VSIG10: variants seen among roughly 807,000 people sequenced by gnomAD.
The protein encoded by VSIG10 is V-set and immunoglobulin domain containing 10.
Under a neutral mutation model 58.7 loss-of-function variants are expected in VSIG10, and 48 were observed. That is an observed-to-expected ratio of 0.82 (90% CI 0.65 to 1.04). VSIG10 has a LOEUF of 1.04. Ranked by LOEUF, VSIG10 falls within the 50% of genes least tolerant of loss-of-function variation. The probability of loss-of-function intolerance (pLI) is 0.00; values close to 1 mark genes in which losing one functional copy is unlikely to be tolerated. For missense variants in VSIG10, 628 were observed against 670.0 expected, an observed-to-expected ratio of 0.94 and a Z score of 0.69; for synonymous variants, 260 against 267.1, an observed-to-expected ratio of 0.97 and a Z score of 0.26.
At chr12:118,080,145 TTTC>T (rs1452095946) in intron 3 of VSIG10, among the ~76,000 whole-genome samples, 1 of 150,844 alleles carries the variant, frequency 6.6e-6, no homozygotes, top group African/African-American at 2.5e-5. Context: ...CGCTTTTGCA[TTTC>T]TTATTTATTT....
intron 1 of VSIG10, 22 bp downstream of exon 1, chr12:118,103,571 C>T: frequency 1.3e-6 from 2 of 1,513,426 alleles, no homozygotes; most frequent in Non-Finnish European, 1.8e-6. Flanking sequence ...TCAACTTTTC[C>T]CTCCAGATCG....
chr12:118,094,156 G>A (rs1162298926), intron 2 of VSIG10, among the ~76,000 whole-genome samples: 3 of 151,884 alleles, frequency 2.0e-5, no homozygotes, highest in African/African-American at 7.3e-5. Context: ...GGAGTGCAGT[G>A]GCTATTGATA....
chr12:118,086,179 T>G (rs886576485), intron 2 of VSIG10, among the ~76,000 whole-genome samples: 1 of 141,528 alleles, frequency 7.1e-6, no homozygotes. Flanking sequence ...AAGCACAAAG[T>G]CAGCTGGGCA....
At chr12:118,069,586 C>CCT (rs1566153818) in intron 7 of VSIG10, among the ~76,000 whole-genome samples, 2 of 151,930 alleles carry the variant, frequency 1.3e-5, no homozygotes, top group East Asian at 3.9e-4. Flanking sequence ...CCACTACATG[C>CCT]GGCTAATTTT....
chr12:118,096,481 A>G (rs147220161), intron 1 of VSIG10, among the ~76,000 whole-genome samples: 2 of 150,522 alleles, frequency 1.3e-5, no homozygotes, highest in Non-Finnish European at 3.0e-5. Context: ...GGGAGGCTGA[A>G]GCAGGAGAAT....
intron 2 of VSIG10, among the ~76,000 whole-genome samples, chr12:118,086,658 G>A (rs941110256): frequency 2.0e-5 from 3 of 152,148 alleles, no homozygotes; most frequent in African/African-American, 7.2e-5. Context: ...ATTGTGGGAG[G>A]CTGACACGGG....
At chr12:118,076,481 A>G (rs2032732018) in intron 4 of VSIG10, among the ~76,000 whole-genome samples, 1 of 151,936 alleles carries the variant, frequency 6.6e-6, no homozygotes, top group African/African-American at 2.4e-5. Flanking sequence ...TGGAGTTACA[A>G]TTCAACATGA....
chr12:118,101,418 C>T (rs1000676306), intron 1 of VSIG10, among the ~76,000 whole-genome samples: 9 of 152,120 alleles, frequency 5.9e-5, no homozygotes, highest in South Asian at 2.1e-4. Flanking sequence ...ACTCAGGTCA[C>T]GTTACTCTGG....
rs962059403 is a variant in VSIG10, at chr12:118,095,413, G to T, written c.361+120C>A. Reference sequence around the variant, plus strand: ...TGAGAGGTCCCTCAGCTTCCATGTGGCAGGGCCCAGAATGATTTCCAGGCC... The same window carrying T: ...TGAGAGGTCCCTCAGCTTCCATGTGTCAGGGCCCAGAATGATTTCCAGGCC... On this transcript the variant is annotated intron_variant, in intron 2 of 8. Coordinates refer to ENST00000359236, the MANE Select transcript of VSIG10 (RefSeq NM_019086.6). 10 of 1,282,532 alleles carry T rather than the reference G, an allele frequency of 7.8e-6. No homozygotes were observed. The Admixed American group carries it at 8.7e-5, about 11-fold the overall frequency. 79.4% of individuals were successfully genotyped at this position (1,282,532 alleles called of 1,614,324 possible).
chr12:118,086,962 T>C (rs1292627649), intron 2 of VSIG10, among the ~76,000 whole-genome samples: 1 of 151,754 alleles, frequency 6.6e-6, no homozygotes, highest in African/African-American at 2.4e-5. Flanking sequence ...GGGGTTTCAC[T>C]ATGTTGGCCA....
intron 3 of VSIG10, 130 bp from the exon 4 acceptor site, chr12:118,079,736 C>A: frequency 7.8e-7 from 1 of 1,280,830 alleles, no homozygotes; most frequent in Middle Eastern, 2.5e-4. Flanking sequence ...CATCTAATAG[C>A]TCCTAGCACA....
intron 1 of VSIG10, among the ~76,000 whole-genome samples, chr12:118,096,772 C>T (rs1488819893): frequency 6.6e-6 from 1 of 151,350 alleles, no homozygotes; most frequent in Non-Finnish European, 1.5e-5. Flanking sequence ...GGCGTAGCGG[C>T]TCATGCCTGT....
At chr12:118,090,258 T>C (rs531505172) in intron 2 of VSIG10, among the ~76,000 whole-genome samples, 1 of 152,164 alleles carries the variant, frequency 6.6e-6, no homozygotes, top group South Asian at 2.1e-4. Context: ...TGAGCCGAGA[T>C]CATGCCACTG....
At chr12:118,099,789 A>G (rs1481836807) in intron 1 of VSIG10, among the ~76,000 whole-genome samples, 1 of 152,192 alleles carries the variant, frequency 6.6e-6, no homozygotes, top group Non-Finnish European at 1.5e-5. Context: ...AATCCTTCCC[A>G]TTTAAGTGAA....
chr12:118,080,653 G>A (rs1290731758), intron 3 of VSIG10, among the ~76,000 whole-genome samples: 1 of 152,140 alleles, frequency 6.6e-6, no homozygotes, highest in Non-Finnish European at 1.5e-5. Context: ...CAAATAAATT[G>A]TGGTCCATCC....
intron 4 of VSIG10, 80 bp from the exon 5 acceptor site, chr12:118,074,072 AG>A: frequency 7.5e-7 from 1 of 1,337,696 alleles, no homozygotes; most frequent in Non-Finnish European, 1.0e-6. Context: ...AAACTGCAGT[AG>A]TTTTTTGTTT....
chr12:118,092,938 CAT>C (rs60728288), intron 2 of VSIG10, among the ~76,000 whole-genome samples: 60,590 of 151,524 alleles, frequency 0.4, 12,302 homozygotes, highest in Admixed American at 0.48. Context: ...ATCTGGCTTT[CAT>C]ATGATTTTCA....
At chr12:118,082,104 G>C (rs750272030) in intron 3 of VSIG10, 23 bp downstream of exon 3, 3 of 1,606,932 alleles carry the variant, frequency 1.9e-6, no homozygotes, top group African/African-American at 2.7e-5. Context: ...AAGAAGCGGG[G>C]CAGAGGAGTG....
At chr12:118,070,604 ATTCT>A (rs1294206609) in intron 7 of VSIG10, among the ~76,000 whole-genome samples, 9 of 152,044 alleles carry the variant, frequency 5.9e-5, no homozygotes, top group Non-Finnish European at 8.8e-5. Flanking sequence ...ACTATGACTG[ATTCT>A]TTCTTTTAGC....
Sources: gnomAD v4.1 joint callset for allele counts (sites outside exome capture counted in the v4.1 genomes callset) on GRCh38, gnomAD v4.1.1 for gene constraint, MANE v1.5 for transcripts, NCBI Gene and HGNC (gene_info 2026-07-23, HGNC 2026-07-21) for gene names.